The following NCOA1 variants were observed in gnomAD, a reference collection of about 807,000 sequenced individuals.
The protein encoded by NCOA1 is nuclear receptor coactivator 1.
A neutral mutation model predicts 150.9 loss-of-function variants in NCOA1; 35 were observed. That is an observed-to-expected ratio of 0.23 (90% CI 0.18 to 0.31). The LOEUF (loss-of-function observed/expected upper bound fraction) is 0.31, where lower values mean the gene tolerates loss of function less well. Ranked by LOEUF, NCOA1 falls within the 10% of genes least tolerant of loss-of-function variation. NCOA1 has a pLI of 1.00. For synonymous variants in NCOA1, 590 were observed against 630.0 expected (o/e 0.94, Z 0.95); for missense variants, 1,491 against 1,749.3 (o/e 0.85, Z 2.63).
rs569516481 is a variant in NCOA1, at chr2:24,612,417, G to A, written c.-175+27857G>A. On this transcript the variant is annotated intron_variant, in intron 3 of 22. Coordinates refer to ENST00000348332, the MANE Select transcript of NCOA1 (RefSeq NM_003743.5). ...CTCACAGGTGTTCTCTGAATTTCTTGTATCTGAATGTCTACCTCTCTTGCA... is the reference window on the plus strand; with the variant it reads ...CTCACAGGTGTTCTCTGAATTTCTTATATCTGAATGTCTACCTCTCTTGCA... Among the ~76,000 whole-genome samples, 22 of 152,194 alleles carry A rather than the reference G, an allele frequency of 1.4e-4. No homozygotes were observed. The Middle Eastern group carries it at 0.017, about 118-fold the overall frequency.
In NCOA1 at chr2:24,729,535, C is replaced by T. The variant is rs1383505724; in HGVS notation, c.2921C>T (p.Pro974Leu). 1 of 1,614,012 alleles carries T rather than the reference C, an allele frequency of 6.2e-7. No individual in the cohort carries two copies. Among genetic ancestry groups the T allele is most frequent in the Admixed American group, 1.7e-5 (1 of 60,014 alleles). ...TTAGATGTATTATCAGAGAGATTTCCACCACAACAAGCAACGCCACCTTTG... is the reference window on the plus strand; with the variant it reads ...TTAGATGTATTATCAGAGAGATTTCTACCACAACAAGCAACGCCACCTTTG... ...GGLDVLSERF[P>L]PQQATPPLIM... The change falls in exon 17 of 23, where the codon CCA becomes CTA. Residue 974 changes from proline to leucine, a missense_variant. By Grantham distance (98) the Pro-to-Leu change is moderately conservative. Around this residue, in one of 8 missense-constraint regions of NCOA1, gnomAD observed 485 missense variants for 522.8 expected, o/e 0.93. Transcript: ENST00000348332.
At chr2:24,562,265 T>C (rs980790139) in intron 1 of NCOA1, among the ~76,000 whole-genome samples, 2 of 152,208 alleles carry the variant, frequency 1.3e-5, no homozygotes, top group East Asian at 3.8e-4. Flanking sequence ...ATCTGAAATC[T>C]GAAATGCTTC....
intron 14 of NCOA1, among the ~76,000 whole-genome samples, chr2:24,713,802 A>G (rs1172069857): frequency 6.6e-6 from 1 of 152,198 alleles, no homozygotes; most frequent in African/African-American, 2.4e-5. Flanking sequence ...ATATTTTACT[A>G]AACTCCGAAA....
intron 19 of NCOA1, among the ~76,000 whole-genome samples, chr2:24,748,657 C>T (rs1380326835): frequency 7.2e-6 from 1 of 139,762 alleles, no homozygotes; most frequent in Admixed American, 7.2e-5. Flanking sequence ...ATAAAAAAAA[C>T]GAGTAAATTA....
chr2:24,770,671 TA>T lies in NCOA1; in HGVS notation c.*2284del. The T allele has an allele frequency of 5.2e-6, 1 of 190,714 alleles. No homozygotes were observed. The highest frequency in any genetic ancestry group is 1.1e-5 in the Non-Finnish European group (1 of 90,938). The allele number at this position is 190,714 out of a possible 1,614,324, so 11.8% of individuals were successfully genotyped here. A position where few individuals can be genotyped will look rare whatever the true frequency, so the allele number is the denominator to read the frequency against. On this transcript the variant is annotated 3_prime_UTR_variant, in exon 23 of 23. Transcript: ENST00000348332. ...CCAAAGCCCAAATTAACGAGTATTA[TA>T]AAAGGATAATAAAGCATCCCTGAAG...
chr2:24,506,584 G>T (rs1003997963), intron 1 of NCOA1, among the ~76,000 whole-genome samples: 1 of 152,122 alleles, frequency 6.6e-6, no homozygotes, highest in Non-Finnish European at 1.5e-5. Context: ...GGAGAGGTGG[G>T]TTGGCAGCCT....
chr2:24,540,789 A>G (rs1232922102), intron 1 of NCOA1, among the ~76,000 whole-genome samples: 1 of 152,170 alleles, frequency 6.6e-6, no homozygotes, highest in Admixed American at 6.5e-5. Context: ...ATCCAGTGAT[A>G]TAATGAGATC....
rs1425035675 is a variant in NCOA1 at position 24,742,170 on chromosome 2, C to G, written c.3690C>G (p.Phe1230Leu). 1 of 1,612,198 alleles carries G rather than the reference C, an allele frequency of 6.2e-7. No homozygotes were observed. Among genetic ancestry groups the G allele is most frequent in the South Asian group, 1.1e-5 (1 of 90,776 alleles). The part of the protein sequence containing the change: ...GINPQMQQNV[F>L]QYPGAGMVPQ... ...ATCCTCAGATGCAGCAGAATGTCTT[C>G]CAGTATCCAGGAGCAGGTAGGAAGG... The change falls in exon 19 of 23, where the codon TTC becomes TTG. Residue 1230 changes from phenylalanine to leucine, a missense_variant. Transcript: ENST00000348332.
intron 11 of NCOA1, among the ~76,000 whole-genome samples, chr2:24,699,836 A>G (rs1429740855): frequency 6.6e-6 from 1 of 152,204 alleles, no homozygotes; most frequent in Non-Finnish European, 1.5e-5. Flanking sequence ...AGATATCTTA[A>G]CAAACCTTAA....
chr2:24,578,451 CAA>C (rs1231575204), intron 2 of NCOA1, among the ~76,000 whole-genome samples: 6 of 151,996 alleles, frequency 3.9e-5, no homozygotes, highest in South Asian at 2.1e-4. Context: ...AGAAAAATAA[CAA>C]AGTGGAAAAC....
intron 8 of NCOA1, among the ~76,000 whole-genome samples, chr2:24,685,462 A>C (rs1672357927): frequency 6.6e-6 from 1 of 152,240 alleles, no homozygotes; most frequent in Admixed American, 6.5e-5. Context: ...ACATAGACTT[A>C]TTTGTGAAAT....
At chr2:24,533,027 A>G (rs1009206484) in intron 1 of NCOA1, among the ~76,000 whole-genome samples, 1 of 152,214 alleles carries the variant, frequency 6.6e-6, no homozygotes, top group Non-Finnish European at 1.5e-5. Flanking sequence ...CATTGAATCC[A>G]TAAATTACCT....
chr2:24,536,521 G>C (rs1025824352), intron 1 of NCOA1, among the ~76,000 whole-genome samples: 2 of 152,172 alleles, frequency 1.3e-5, no homozygotes, highest in Non-Finnish European at 2.9e-5. Context: ...ATTCTTTGGA[G>C]AAGAAGAGTC....
chr2:24,713,047 G>A (rs1211613324), intron 14 of NCOA1, among the ~76,000 whole-genome samples: 1 of 151,860 alleles, frequency 6.6e-6, no homozygotes, highest in Non-Finnish European at 1.5e-5. Flanking sequence ...TGATCAACAT[G>A]GTGAAACCCT....
intron 4 of NCOA1, among the ~76,000 whole-genome samples, chr2:24,645,191 T>G (rs1240574414): frequency 6.6e-6 from 1 of 152,058 alleles, no homozygotes; most frequent in African/African-American, 2.4e-5. Context: ...CTCTGCCTCT[T>G]TAAAATTGCA....
chr2:24,498,815 G>T (rs551144436), intron 1 of NCOA1, among the ~76,000 whole-genome samples: 3 of 152,230 alleles, frequency 2.0e-5, no homozygotes, highest in African/African-American at 7.2e-5. Context: ...CCAAATTTAC[G>T]TGGATCTTTT....
At chr2:24,597,308 TTGAATCC>T (rs2148347818) in intron 3 of NCOA1, among the ~76,000 whole-genome samples, 1 of 152,328 alleles carries the variant, frequency 6.6e-6, no homozygotes, top group South Asian at 2.1e-4. Flanking sequence ...TAAATCAACT[TTGAATCC>T]TCAGAATGTA....
chr2:24,713,318 C>CA (rs1307387026), intron 14 of NCOA1, among the ~76,000 whole-genome samples: 1 of 150,892 alleles, frequency 6.6e-6, no homozygotes, highest in Non-Finnish European at 1.5e-5. Context: ...TGGGAAACAT[C>CA]AAAAAATATA....
intron 3 of NCOA1, among the ~76,000 whole-genome samples, chr2:24,625,828 G>A (rs1669383639): frequency 6.6e-6 from 1 of 150,506 alleles, no homozygotes; most frequent in Non-Finnish European, 1.5e-5. Context: ...TTTTCTAAAT[G>A]TCTTACTGTT....
Sources: gnomAD v4.1 joint callset for allele counts (sites outside exome capture counted in the v4.1 genomes callset) on GRCh38, gnomAD v4.1.1 for gene constraint, gnomAD v4.1.1 regional missense constraint, MANE v1.5 for transcripts, NCBI Gene and HGNC (gene_info 2026-07-23, HGNC 2026-07-21) for gene names.